FBXW7: variants seen among roughly 807,000 people sequenced by gnomAD.
FBXW7 encodes the protein F-box and WD repeat domain containing 7, also known as F-box/WD repeat-containing protein 7.
Under a neutral mutation model 86.3 loss-of-function variants are expected in FBXW7, and 11 were observed. The observed-to-expected ratio is 0.13, with a 90% CI of 0.08 to 0.21. The LOEUF (loss-of-function observed/expected upper bound fraction) is 0.21. Ranked by LOEUF, FBXW7 falls within the 10% of genes least tolerant of loss-of-function variation. The pLI is 1.00. For missense variants in FBXW7, 488 were observed against 847.4 expected (o/e 0.58, Z 5.27); for synonymous variants, 313 against 297.9 (o/e 1.05, Z -0.52).
chr4:152,442,136 C>T (rs1287811627), intron 2 of FBXW7, among the ~76,000 whole-genome samples: 1 of 152,110 alleles, frequency 6.6e-6, no homozygotes, highest in Non-Finnish European at 1.5e-5. Context: ...TATAACTTCC[C>T]CTACTTATCA....
At chr4:152,352,526 C>T (rs532967403) in intron 4 of FBXW7, 32 of 1,613,840 alleles carry the variant, frequency 2.0e-5, no homozygotes, top group Non-Finnish European at 2.5e-5. Context: ...GTATTTTTCC[C>T]CTTCAGTGAT....
chr4:152,420,004 T>C (rs895011075), intron 2 of FBXW7, among the ~76,000 whole-genome samples: 8 of 152,262 alleles, frequency 5.3e-5, no homozygotes, highest in Non-Finnish European at 1.0e-4. Flanking sequence ...GCCACATCAA[T>C]TGACTCTTCC....
At chr4:152,440,667 T>C (rs1270973384) in intron 2 of FBXW7, among the ~76,000 whole-genome samples, 1 of 152,124 alleles carries the variant, frequency 6.6e-6, no homozygotes, top group Non-Finnish European at 1.5e-5. Flanking sequence ...GGAGCACTCT[T>C]CAAAACTGGG....
At chr4:152,484,915 T>C (rs1745209887) in intron 2 of FBXW7, among the ~76,000 whole-genome samples, 1 of 147,864 alleles carries the variant, frequency 6.8e-6, no homozygotes, top group African/African-American at 2.5e-5. Context: ...TGAGCTGAGA[T>C]CGCGCCACTG....
chr4:152,499,938 C>T (rs1746764311), intron 2 of FBXW7, among the ~76,000 whole-genome samples: 1 of 152,144 alleles, frequency 6.6e-6, no homozygotes, highest in Non-Finnish European at 1.5e-5. Context: ...CAGTGCATCT[C>T]TGATCATCAT....
At chr4:152,331,918 C>T (rs1233111505) in intron 8 of FBXW7, among the ~76,000 whole-genome samples, 1 of 152,016 alleles carries the variant, frequency 6.6e-6, no homozygotes, top group African/African-American at 2.4e-5. Context: ...TTACCTCAAA[C>T]CTTTATTAAC....
intron 4 of FBXW7, among the ~76,000 whole-genome samples, chr4:152,400,505 C>T (rs1028251469): frequency 2.0e-5 from 3 of 151,738 alleles, no homozygotes; most frequent in Admixed American, 1.3e-4. Flanking sequence ...CCATGCCTGG[C>T]TAATTTTGTG....
At chr4:152,520,210 G>T (rs1457895351) in intron 2 of FBXW7, among the ~76,000 whole-genome samples, 1 of 151,548 alleles carries the variant, frequency 6.6e-6, no homozygotes, top group African/African-American at 2.4e-5. Context: ...GAGGCGGGTG[G>T]ATCATGAGGT....
In FBXW7 at chr4:152,399,453, G is replaced by T. The variant is rs578185873; in HGVS notation, c.501+11850C>A. On this transcript the variant is annotated intron_variant, in intron 4 of 13. Transcript: ENST00000281708. ...TTAACCACTGCTTTTCAACATCATA[G>T]GGGAAGTCCTAGTTAAAGCACAAAG... Among the ~76,000 whole-genome samples the T allele has an allele frequency of 2.0e-5, 3 of 152,164 alleles. No homozygotes were observed. In the East Asian group the frequency reaches 5.8e-4, roughly 29 times the overall value.
chr4:152,441,287 T>C (rs1051218038), intron 2 of FBXW7, among the ~76,000 whole-genome samples: 2 of 152,170 alleles, frequency 1.3e-5, no homozygotes, highest in Non-Finnish European at 2.9e-5. Context: ...ATCTCCATCA[T>C]TTCTAAGACT....
chr4:152,468,573 A>G (rs1291388451), intron 2 of FBXW7, among the ~76,000 whole-genome samples: 1 of 152,158 alleles, frequency 6.6e-6, no homozygotes, highest in Non-Finnish European at 1.5e-5. Context: ...CAGAAAGTGT[A>G]TTAGTGGTTG....
intron 2 of FBXW7, among the ~76,000 whole-genome samples, chr4:152,461,638 G>T (rs1474203752): frequency 6.6e-6 from 1 of 152,140 alleles, no homozygotes; most frequent in Non-Finnish European, 1.5e-5. Context: ...AATTTCTATT[G>T]AATGATTTTC....
rs201015633 is a variant in FBXW7 at position 152,350,051 on chromosome 4, T to G, written c.575A>C (p.Glu192Ala). The change falls in exon 5 of 14, where the codon GAA becomes GCA. Residue 192 changes from glutamate (E) to alanine (A), a missense_variant. Physicochemically the swap from Glu to Ala is moderately radical, Grantham distance 107. Around this residue, in one of 4 missense-constraint regions of FBXW7, gnomAD observed 230 missense variants for 240.0 expected, o/e 0.96. Transcript: ENST00000281708. ...TTATATTTAATATTACCTTGTATAT[T>G]CTGAGACTTTGCATGGTTTCTTTCC... is the stretch of plus-strand genomic sequence containing the variant. ...SLGKKPCKVSEYTSTTGLVPC... is the reference protein window; with the variant it reads ...SLGKKPCKVSAYTSTTGLVPC... The G allele has an allele frequency of 4.4e-4, 686 of 1,542,602 alleles. No individual in the cohort carries two copies. Among genetic ancestry groups the G allele is most frequent in the Admixed American group, 8.6e-4 (48 of 55,792 alleles).
At chr4:152,361,583 T>C (rs960424966) in intron 4 of FBXW7, among the ~76,000 whole-genome samples, 6 of 152,202 alleles carry the variant, frequency 3.9e-5, no homozygotes, top group Non-Finnish European at 8.8e-5. Flanking sequence ...AACATTCTCA[T>C]AGAAATATTT....
chr4:152,370,975 A>G (rs1041220652), intron 4 of FBXW7, among the ~76,000 whole-genome samples: 1 of 151,302 alleles, frequency 6.6e-6, no homozygotes, highest in African/African-American at 2.4e-5. Flanking sequence ...TTTACCCTTC[A>G]TATTTTAGGA....
rs76903984 is a variant in FBXW7, at chr4:152,437,506, T to C, written c.-119-24977A>G. On this transcript the variant is annotated intron_variant, in intron 2 of 13. Transcript: ENST00000281708. ...AATCTCATAATAAAACTTGAATGGA[T>C]AAGGTGTTGTTTCTTCTGAATGAGC... Among the ~76,000 whole-genome samples the C allele has an allele frequency of 2.1e-4, 32 of 152,316 alleles. 1 individual carries two copies. The East Asian group carries it at 4.8e-3, about 23-fold the overall frequency.
chr4:152,508,068 T>A (rs749468685), intron 2 of FBXW7, among the ~76,000 whole-genome samples: 3 of 149,334 alleles, frequency 2.0e-5, no homozygotes, highest in Non-Finnish European at 4.4e-5. Context: ...GGACCCTGAC[T>A]CAAAAAGAAA....
chr4:152,393,697 C>A (rs1302102958), intron 4 of FBXW7, among the ~76,000 whole-genome samples: 1 of 152,116 alleles, frequency 6.6e-6, no homozygotes, highest in African/African-American at 2.4e-5. Context: ...TTCACCAGTA[C>A]CTTCTTCATA....
chr4:152,490,691 T>C (rs9991574), intron 2 of FBXW7, among the ~76,000 whole-genome samples: 58,061 of 151,928 alleles, frequency 0.38, 11,909 homozygotes, highest in African/African-American at 0.53. Flanking sequence ...CATGGAAATA[T>C]GAACTGGCAA....
Sources: allele counts gnomAD v4.1 joint callset (sites outside exome capture counted in the v4.1 genomes callset), GRCh38; gene constraint gnomAD v4.1.1; regional missense constraint gnomAD v4.1.1; transcripts MANE v1.5; gene names NCBI Gene and HGNC (gene_info 2026-07-23, HGNC 2026-07-21).